CNTLN: variants seen among roughly 807,000 people sequenced by gnomAD.
CNTLN encodes the protein centlein.
In CNTLN, 212 loss-of-function variants were observed where a neutral mutation model predicts 180.0. The observed-to-expected ratio is 1.18, with a 90% CI of 1.05 to 1.32. The LOEUF is 1.32. CNTLN is among the 40% of genes most tolerant of loss of function. The pLI, the probability that CNTLN is intolerant of heterozygous loss-of-function variation, is 0.00. For missense variants in CNTLN, 2,095 were observed against 1,610.9 expected (o/e 1.30, Z -5.14); for synonymous variants, 722 against 563.1 (o/e 1.28, Z -3.99).
At chr9:17,199,132 T>G (rs1822337021) in intron 2 of CNTLN, among the ~76,000 whole-genome samples, 1 of 152,110 alleles carries the variant, frequency 6.6e-6, no homozygotes, top group Admixed American at 6.6e-5. Context: ...TTGAACTAAT[T>G]TATACTGCCA....
In CNTLN at chr9:17,496,193, A is replaced by G. The variant is rs549475138; in HGVS notation, c.4120-6358A>G. On this transcript the variant is annotated intron_variant, in intron 25 of 25. Transcript: ENST00000380647. ...TGATGAACAAGAGACTGAATAATTC[A>G]GTTCTCTTTTGGATCCTTCCCCATC... Among the ~76,000 whole-genome samples the G allele has an allele frequency of 7.9e-5, 12 of 152,334 alleles. 1 individual carries two copies. Among genetic ancestry groups the G allele is most frequent in the African/African-American group, 2.9e-4 (12 of 41,580 alleles).
rs529790277 is a variant in CNTLN at position 17,285,455 on chromosome 9, C to A, written c.983+11589C>A. On this transcript the variant is annotated intron_variant, in intron 6 of 25. Coordinates refer to ENST00000380647, the MANE Select transcript of CNTLN (RefSeq NM_017738.4). ...GTCTTTGCTGTTGTGAATAATGCCA[C>A]AATAAACATACGTGTGCATGTGTCT... Among the ~76,000 whole-genome samples, 3 of 147,972 alleles carry A rather than the reference C, an allele frequency of 2.0e-5. No individual in the cohort carries two copies. The South Asian group carries it at 6.7e-4, about 33-fold the overall frequency.
In CNTLN at chr9:17,453,113, A is replaced by G. The variant is rs149050061; in HGVS notation, c.3115-4411A>G. Among the ~76,000 whole-genome samples, 1,118 of 152,178 alleles carry G rather than the reference A, an allele frequency of 7.3e-3. 9 individuals are homozygous for G. The highest frequency in any genetic ancestry group is 0.013 in the Non-Finnish European group (877 of 68,000). Reference sequence around the variant, plus strand: ...GATTGCTTGAGGCCAGGAGTTCGAGACCAGGCTGGGCAACACAGCAAGATC... The same window carrying G: ...GATTGCTTGAGGCCAGGAGTTCGAGGCCAGGCTGGGCAACACAGCAAGATC... On this transcript the variant is annotated intron_variant, in intron 18 of 25. Transcript: ENST00000380647.
At chr9:17,226,308 A>G in intron 3 of CNTLN, 21 bp downstream of exon 3, 11 of 1,331,312 alleles carry the variant, frequency 8.3e-6, no homozygotes, top group Non-Finnish European at 1.1e-5. Flanking sequence ...TAATAAAAAT[A>G]TTTAAATTAA....
chr9:17,282,050 C>A (rs1828699503), intron 6 of CNTLN, among the ~76,000 whole-genome samples: 1 of 152,126 alleles, frequency 6.6e-6, no homozygotes, highest in African/African-American at 2.4e-5. Flanking sequence ...GCAACTTATG[C>A]CTCCCCAGTT....
the CNTLN span, among the ~76,000 whole-genome samples, chr9:17,523,168 AGCCT>A: frequency 6.6e-6 from 1 of 152,192 alleles, no homozygotes; most frequent in Non-Finnish European, 1.5e-5. Flanking sequence ...CATCTAAAAA[AGCCT>A]TATAACCATA....
chr9:17,523,580 T>C, the CNTLN span, among the ~76,000 whole-genome samples: 1 of 152,190 alleles, frequency 6.6e-6, no homozygotes, highest in Non-Finnish European at 1.5e-5. Flanking sequence ...AAAATAAATA[T>C]AGATATAATT....
chr9:17,251,148 C>T (rs1826116544), intron 5 of CNTLN, among the ~76,000 whole-genome samples: 1 of 151,958 alleles, frequency 6.6e-6, no homozygotes, highest in African/African-American at 2.4e-5. Flanking sequence ...TGTGATGAGT[C>T]ACTTCTTTCT....
intron 12 of CNTLN, among the ~76,000 whole-genome samples, chr9:17,345,394 G>A (rs1587719644): frequency 7.0e-6 from 1 of 142,808 alleles, no homozygotes; most frequent in East Asian, 2.0e-4. Flanking sequence ...TATTGATAGA[G>A]CTAAGTCTGC....
At chr9:17,400,118 C>T (rs886461945) in intron 15 of CNTLN, among the ~76,000 whole-genome samples, 1 of 151,984 alleles carries the variant, frequency 6.6e-6, no homozygotes, top group African/African-American at 2.4e-5. Flanking sequence ...TTTTTCTCCC[C>T]AACACAACTC....
chr9:17,466,470 A>G (rs1837944), intron 22 of CNTLN, among the ~76,000 whole-genome samples: 121,044 of 151,274 alleles, frequency 0.8, 49,933 homozygotes, highest in Non-Finnish European at 0.89. Context: ...AATAGCTTCC[A>G]TGCTTTTAAT....
chr9:17,151,695 C>A (rs1818893213), intron 2 of CNTLN, among the ~76,000 whole-genome samples: 3 of 152,078 alleles, frequency 2.0e-5, no homozygotes, highest in African/African-American at 7.2e-5. Context: ...AGGGAGGAGT[C>A]CCTCTTTTTC....
chr9:17,442,357 A>G (rs1830160219), intron 18 of CNTLN, among the ~76,000 whole-genome samples: 1 of 152,230 alleles, frequency 6.6e-6, no homozygotes, highest in Admixed American at 6.5e-5. Flanking sequence ...GAGCAATAGC[A>G]GAAGGAGAAC....
At chr9:17,148,597 G>T (rs1818618946) in intron 2 of CNTLN, among the ~76,000 whole-genome samples, 1 of 152,180 alleles carries the variant, frequency 6.6e-6, no homozygotes, top group South Asian at 2.1e-4. Flanking sequence ...TGTGCTTGAT[G>T]ATCATTTGAA....
chr9:17,408,814 A>AG (rs1554713946), intron 15 of CNTLN, among the ~76,000 whole-genome samples: 2 of 150,784 alleles, frequency 1.3e-5, no homozygotes, highest in Non-Finnish European at 3.0e-5. Context: ...AAAAAAAAAA[A>AG]GTGCCTGGGC....
At chr9:17,152,578 A>T (rs1226116946) in intron 2 of CNTLN, among the ~76,000 whole-genome samples, 6 of 152,132 alleles carry the variant, frequency 3.9e-5, no homozygotes, top group Admixed American at 3.9e-4. Flanking sequence ...TTTTACTTGC[A>T]ATTATATGGT....
At chr9:17,294,244 G>C (rs921349989) in intron 6 of CNTLN, among the ~76,000 whole-genome samples, 2 of 152,002 alleles carry the variant, frequency 1.3e-5, no homozygotes, top group Admixed American at 1.3e-4. Context: ...GGGACCCAAG[G>C]GGGTTGCCAC....
chr9:17,272,508 A>G (rs964992796), intron 5 of CNTLN, among the ~76,000 whole-genome samples: 6 of 152,034 alleles, frequency 3.9e-5, no homozygotes, highest in African/African-American at 1.4e-4. Flanking sequence ...CTTTTAAGCT[A>G]TTTTGAGGTT....
At chr9:17,374,971 A>T (rs1824634444) in intron 13 of CNTLN, among the ~76,000 whole-genome samples, 1 of 152,208 alleles carries the variant, frequency 6.6e-6, no homozygotes, top group African/African-American at 2.4e-5. Context: ...CTGCATTCCC[A>T]TGTTTATTGC....
Sources: allele counts gnomAD v4.1 joint callset (sites outside exome capture counted in the v4.1 genomes callset), GRCh38; gene constraint gnomAD v4.1.1; transcripts MANE v1.5; gene names NCBI Gene and HGNC (gene_info 2026-07-23, HGNC 2026-07-21).